Variants in BLOC1S3 observed in about 807,000 individuals in gnomAD.
BLOC1S3 encodes the protein biogenesis of lysosome-related organelles complex 1 subunit 3.
BLOC1S3 carries 7 observed loss-of-function variants against 9.1 expected under a neutral mutation model. The observed-to-expected ratio is 0.77, with a 90% CI of 0.44 to 1.45. BLOC1S3 has a LOEUF of 1.45. BLOC1S3 is among the 40% of genes most tolerant of loss of function. BLOC1S3 has a pLI of 0.01. For missense variants in BLOC1S3, 307 were observed against 315.2 expected (o/e 0.97, Z 0.20); for synonymous variants, 145 against 158.4 (o/e 0.92, Z 0.64).
intron 3 of BLOC1S3, among the ~76,000 whole-genome samples, chr19:45,202,676 A>T (rs553713702): frequency 6.6e-5 from 10 of 152,166 alleles, no homozygotes; most frequent in Non-Finnish European, 1.3e-4. Flanking sequence ...TGCAAGACAA[A>T]GTCTCCTTTA....
intron 2 of BLOC1S3, among the ~76,000 whole-genome samples, chr19:45,189,740 GTCT>G (rs1224074079): frequency 6.6e-6 from 1 of 151,840 alleles, no homozygotes; most frequent in African/African-American, 2.4e-5. Context: ...CCGGCAGGTA[GTCT>G]TCTTTGGGTT....
chr19:45,191,057 G>A (rs1410386259), intron 2 of BLOC1S3, among the ~76,000 whole-genome samples: 7 of 150,228 alleles, frequency 4.7e-5, no homozygotes, highest in East Asian at 4.0e-4. Context: ...CGCCCGCCTC[G>A]GCCTCCCAAA....
rs2122878981 is a variant in BLOC1S3, at chr19:45,179,132, A to AC, written c.-9-153dup. ...CTGGGGTCCAGTAACCCCCATCATC[A>AC]CCCAGTTTACAGAAGAGGAAACTGA... is the stretch of plus-strand genomic sequence containing the variant. On this transcript the variant is annotated intron_variant, in intron 1 of 1. Transcript: ENST00000433642. The surrounding 1 kb of genome is among the most constrained non-coding windows in gnomAD (Gnocchi z 4.6). 1 of 763,098 alleles carries AC rather than the reference A, an allele frequency of 1.3e-6. No individual in the cohort carries two copies. Among genetic ancestry groups the AC allele is most frequent in the East Asian group, 3.2e-5 (1 of 30,798 alleles). The allele number at this position is 763,098 out of a possible 1,614,324, so 47.3% of individuals were successfully genotyped here.
rs148635003 is a variant in BLOC1S3 at position 45,207,415 on chromosome 19, G to C, written n.282+4908G>C. Among the ~76,000 whole-genome samples, 836 of 149,922 alleles carry C rather than the reference G, an allele frequency of 5.6e-3. 14 individuals are homozygous for C. The highest frequency in any genetic ancestry group is 0.019 in the African/African-American group (774 of 40,812). On this transcript the variant is annotated intron_variant and non_coding_transcript_variant, in intron 3 of 3. Transcript: ENST00000591569. ...CCCAAAGTGCTGGGATTACAGGCGT[G>C]AGCCACCGCGCCTCACCTGCCTTGT...
intron 3 of BLOC1S3, among the ~76,000 whole-genome samples, chr19:45,213,951 T>C: frequency 6.6e-6 from 1 of 151,440 alleles, no homozygotes; most frequent in African/African-American, 2.4e-5. Context: ...GAGACTCCAT[T>C]TCAAAAGTAA....
intron 3 of BLOC1S3, among the ~76,000 whole-genome samples, chr19:45,213,596 C>G (rs1233329479): frequency 2.0e-5 from 3 of 152,066 alleles, no homozygotes; most frequent in Non-Finnish European, 4.4e-5. Context: ...ACAACCAACC[C>G]CAGAACCAGC....
At chr19:45,211,504 C>G (rs1251333884) in intron 3 of BLOC1S3, among the ~76,000 whole-genome samples, 1 of 145,178 alleles carries the variant, frequency 6.9e-6, no homozygotes, top group Non-Finnish European at 1.5e-5. Flanking sequence ...GAATGAGACT[C>G]TGACTGAAAA....
At chr19:45,202,858 C>CA (rs1457537228) in intron 3 of BLOC1S3, among the ~76,000 whole-genome samples, 3 of 152,022 alleles carry the variant, frequency 2.0e-5, no homozygotes, top group Non-Finnish European at 4.4e-5. Context: ...CTTTAGTCAG[C>CA]AAGTAATGAA....
At chr19:45,212,208 T>A (rs533944009) in intron 3 of BLOC1S3, among the ~76,000 whole-genome samples, 16 of 152,218 alleles carry the variant, frequency 1.1e-4, no homozygotes, top group African/African-American at 3.6e-4. Context: ...GAGGTGTACA[T>A]GGGTTGGCGT....
chr19:45,213,627 C>T (rs563518812), intron 3 of BLOC1S3, among the ~76,000 whole-genome samples: 100 of 152,214 alleles, frequency 6.6e-4, no homozygotes, highest in African/African-American at 2.4e-3. Context: ...TCCTTTTCAC[C>T]CCAAGCCTCA....
At chr19:45,192,563 A>G (rs1969614169) in intron 2 of BLOC1S3, among the ~76,000 whole-genome samples, 1 of 152,132 alleles carries the variant, frequency 6.6e-6, no homozygotes. Context: ...TCTGAGTCTC[A>G]CTCAAGGCCC....
intron 3 of BLOC1S3, among the ~76,000 whole-genome samples, chr19:45,207,259 A>C (rs1969734091): frequency 6.6e-6 from 1 of 151,190 alleles, no homozygotes; most frequent in Non-Finnish European, 1.5e-5. Context: ...CAGCCTCCTG[A>C]GTAGCTGGGA....
At chr19:45,206,070 G>A (rs1051571602) in intron 3 of BLOC1S3, among the ~76,000 whole-genome samples, 1 of 152,072 alleles carries the variant, frequency 6.6e-6, no homozygotes. Context: ...ATTAGGGGCC[G>A]GGCGCAGTGA....
At chr19:45,213,652 T>C (rs1207092450) in intron 3 of BLOC1S3, among the ~76,000 whole-genome samples, 1 of 152,072 alleles carries the variant, frequency 6.6e-6, no homozygotes, top group Non-Finnish European at 1.5e-5. Context: ...GTGATTAAAA[T>C]TCACCTTCTC....
At chr19:45,189,325 G>A (rs1372395349) in intron 2 of BLOC1S3, among the ~76,000 whole-genome samples, 2 of 152,092 alleles carry the variant, frequency 1.3e-5, no homozygotes, top group Non-Finnish European at 2.9e-5. Context: ...CAGCCAGAGC[G>A]CCATTGAATG....
downstream of BLOC1S3, among the ~76,000 whole-genome samples, chr19:45,186,103 ACT>A (rs1364357247): frequency 6.6e-6 from 1 of 151,630 alleles, no homozygotes; most frequent in African/African-American, 2.4e-5. Flanking sequence ...ACACAGCAAG[ACT>A]CTGTCTCAAA....
chr19:45,216,462 C>T (rs970517167), intron 3 of BLOC1S3, among the ~76,000 whole-genome samples: 13 of 151,954 alleles, frequency 8.6e-5, no homozygotes, highest in Admixed American at 7.9e-4. Context: ...ACCTGTAATC[C>T]CAACTACTCA....
intron 3 of BLOC1S3, chr19:45,216,088 T>C (rs1186880124): frequency 6.2e-7 from 1 of 1,613,712 alleles, no homozygotes; most frequent in East Asian, 2.2e-5. Context: ...GTCTGGGTAG[T>C]CGCGCACCAA....
At chr19:45,204,970 G>T (rs768102020) in intron 3 of BLOC1S3, among the ~76,000 whole-genome samples, 3 of 152,056 alleles carry the variant, frequency 2.0e-5, no homozygotes, top group Non-Finnish European at 4.4e-5. Context: ...CTGACCTCGC[G>T]TAATCCCCCC....
Sources: allele counts gnomAD v4.1 joint callset (sites outside exome capture counted in the v4.1 genomes callset), GRCh38; gene constraint gnomAD v4.1.1; non-coding constraint Gnocchi (gnomAD v3.1); transcripts MANE v1.5; gene names NCBI Gene and HGNC (gene_info 2026-07-23, HGNC 2026-07-21).